Variants in EPHA5 observed in about 807,000 individuals in gnomAD.
EPHA5 encodes the protein EPH receptor A5.
Under a neutral mutation model 105.0 loss-of-function variants are expected in EPHA5, and 60 were observed. The observed-to-expected ratio is 0.57, with a 90% CI of 0.46 to 0.71. The LOEUF is 0.71. Ranked by LOEUF, EPHA5 falls within the 30% of genes least tolerant of loss-of-function variation. The probability of loss-of-function intolerance (pLI) is 0.00; values close to 1 mark genes in which losing one functional copy is unlikely to be tolerated. For missense variants in EPHA5, 1,218 were observed against 1,274.7 expected (o/e 0.96, Z 0.68); for synonymous variants, 513 against 449.1 (o/e 1.14, Z -1.80).
chr4:65,636,874 G>C (rs1560804001), intron 2 of EPHA5, among the ~76,000 whole-genome samples: 1 of 151,934 alleles, frequency 6.6e-6, no homozygotes, highest in African/African-American at 2.4e-5. Context: ...AGGAATTTGG[G>C]GTGTTTTACT....
chr4:65,608,489 G>A (rs1020620355), intron 2 of EPHA5, among the ~76,000 whole-genome samples: 8 of 151,396 alleles, frequency 5.3e-5, no homozygotes, highest in African/African-American at 1.7e-4. Flanking sequence ...GGGCGACAGA[G>A]CGAGACTCCA....
chr4:65,534,761 T>A (rs933862013), intron 3 of EPHA5, among the ~76,000 whole-genome samples: 2 of 152,354 alleles, frequency 1.3e-5, no homozygotes, highest in South Asian at 4.1e-4. Context: ...AATGTTCATA[T>A]CTTTGAGTTT....
intron 5 of EPHA5, among the ~76,000 whole-genome samples, chr4:65,428,715 A>C (rs1231350023): frequency 6.6e-6 from 1 of 152,066 alleles, no homozygotes. Flanking sequence ...AAAATATTAA[A>C]AATTAGTTGC....
intron 8 of EPHA5, among the ~76,000 whole-genome samples, chr4:65,402,630 T>C (rs1258950891): frequency 6.6e-6 from 1 of 152,162 alleles, no homozygotes; most frequent in African/African-American, 2.4e-5. Flanking sequence ...ACACAACAAA[T>C]ACAGAATCTT....
At chr4:65,378,797 A>AT (rs915057953) in intron 8 of EPHA5, among the ~76,000 whole-genome samples, 2 of 151,142 alleles carry the variant, frequency 1.3e-5, no homozygotes, top group East Asian at 2.0e-4. Context: ...TTTCTTTTTT[A>AT]TTTTTTTGCA....
intron 5 of EPHA5, among the ~76,000 whole-genome samples, chr4:65,456,856 C>G (rs901167955): frequency 6.6e-6 from 1 of 152,052 alleles, no homozygotes; most frequent in Non-Finnish European, 1.5e-5. Flanking sequence ...AGTTGATATA[C>G]TTGAATTCAT....
At chr4:65,473,446 A>G (rs192168994) in intron 5 of EPHA5, among the ~76,000 whole-genome samples, 204 of 152,332 alleles carry the variant, frequency 1.3e-3, no homozygotes, top group African/African-American at 4.7e-3. Context: ...ACAGTTCTTC[A>G]TAGCTGGGAG....
chr4:65,469,861 T>C (rs1729114611), intron 5 of EPHA5, among the ~76,000 whole-genome samples: 1 of 152,120 alleles, frequency 6.6e-6, no homozygotes, highest in Non-Finnish European at 1.5e-5. Flanking sequence ...TCTGTTCACT[T>C]AGTAAGAAAA....
At chr4:65,324,689 CAG>C (rs1257574206) in intron 16 of EPHA5, among the ~76,000 whole-genome samples, 1 of 149,876 alleles carries the variant, frequency 6.7e-6, no homozygotes, top group African/African-American at 2.4e-5. Flanking sequence ...TTTTATATAA[CAG>C]ATATCTTTAG....
intron 3 of EPHA5, among the ~76,000 whole-genome samples, chr4:65,561,113 A>G (rs1396290045): frequency 6.6e-6 from 1 of 152,064 alleles, no homozygotes; most frequent in East Asian, 1.9e-4. Flanking sequence ...ATAGGCTAGA[A>G]AGGTTTGACA....
chr4:65,667,262 G>A (rs1750044820), intron 1 of EPHA5, among the ~76,000 whole-genome samples: 1 of 152,146 alleles, frequency 6.6e-6, no homozygotes, highest in East Asian at 1.9e-4. Flanking sequence ...AACAAGAAGA[G>A]AAGAATCTAT....
chr4:65,636,458 T>C (rs1054578917), intron 2 of EPHA5, among the ~76,000 whole-genome samples: 1 of 152,104 alleles, frequency 6.6e-6, no homozygotes, highest in African/African-American at 2.4e-5. Context: ...GGGATTGAAA[T>C]GGACTCAGTC....
rs543708816 is a variant in EPHA5 at position 65,473,064 on chromosome 4, C to A, written c.1402+17313G>T. 5.9e-5 allele frequency among the ~76,000 whole-genome samples: 9 copies of A among 152,286 alleles called. No homozygotes were observed. In the South Asian group the frequency reaches 1.9e-3, roughly 32 times the overall value. On this transcript the variant is annotated intron_variant, in intron 5 of 16. Coordinates refer to ENST00000613740, the MANE Select transcript of EPHA5 (RefSeq NM_001281766.3). ...TATCTAGGGCAGAGGCAAAATGCCA[C>A]CAATCTCTTTGCTAAAGCATAGCAA... is the stretch of plus-strand genomic sequence containing the variant.
Position 65,602,109 on chromosome 4 carries a change from T to C in EPHA5, c.442A>G (p.Lys148Glu). 1 of 1,614,120 alleles carries C rather than the reference T, an allele frequency of 6.2e-7. No homozygotes were observed. Among genetic ancestry groups the C allele is most frequent in the Non-Finnish European group, 8.5e-7 (1 of 1,179,992 alleles). The change falls in exon 3 of 17, where the codon AAG (lysine) becomes GAG (glutamate). Residue 148 changes from lysine (K) to glutamate (E), a missense_variant. Around this residue, in one of 3 missense-constraint regions of EPHA5, gnomAD observed 233 missense variants for 227.5 expected, o/e 1.02. Coordinates refer to ENST00000613740, the MANE Select transcript of EPHA5 (RefSeq NM_001281766.3). ...AAGTAATACATATTAAAGGTTTCCTTACAGGTCCCCAGTCCTCCAGGAAGG... is the reference window on the plus strand; with the variant it reads ...AAGTAATACATATTAAAGGTTTCCTCACAGGTCCCCAGTCCTCCAGGAAGG... ...NSLPGGLGTC[K>E]ETFNMYYFES...
rs144534506 is a variant in EPHA5 at position 65,336,174 on chromosome 4, T to C, written c.2596-49A>G. ...GCACCCCAACACCACAAATTTAGTA[T>C]AGAATAGCTTTAAAAATGTCCCACT... On this transcript the variant is annotated intron_variant, in intron 14 of 16. Transcript: ENST00000613740. The C allele has an allele frequency of 6.7e-5, 97 of 1,447,420 alleles. 1 individual carries two copies. Among genetic ancestry groups the C allele is most frequent in the Middle Eastern group, 4.4e-4 (2 of 4,544 alleles). The allele number at this position is 1,447,420 out of a possible 1,614,324, so 89.7% of individuals were successfully genotyped here.
intron 2 of EPHA5, 94 bp from the exon 3 acceptor site, chr4:65,602,398 T>C (rs1390839744): frequency 4.1e-6 from 4 of 974,840 alleles, no homozygotes; most frequent in Non-Finnish European, 4.4e-6. Context: ...CTAACTGAGA[T>C]ATAGAAATAT....
chr4:65,432,471 T>C (rs1213767325), intron 5 of EPHA5, among the ~76,000 whole-genome samples: 2 of 152,216 alleles, frequency 1.3e-5, no homozygotes, highest in Admixed American at 1.3e-4. Context: ...AGAATATGTT[T>C]GAAACCTTTG....
At chr4:65,326,817 C>T (rs1022054968) in intron 16 of EPHA5, among the ~76,000 whole-genome samples, 6 of 151,054 alleles carry the variant, frequency 4.0e-5, no homozygotes, top group African/African-American at 1.2e-4. Flanking sequence ...TTCATGATTG[C>T]TATGTGAATT....
intron 3 of EPHA5, among the ~76,000 whole-genome samples, chr4:65,557,931 G>A (rs2149351975): frequency 6.6e-6 from 1 of 151,770 alleles, no homozygotes; most frequent in Admixed American, 6.6e-5. Flanking sequence ...AGGCTGGAGT[G>A]CAGTGATCTC....
Sources: gnomAD v4.1 joint callset for allele counts (sites outside exome capture counted in the v4.1 genomes callset) on GRCh38, gnomAD v4.1.1 for gene constraint, gnomAD v4.1.1 regional missense constraint, MANE v1.5 for transcripts, NCBI Gene and HGNC (gene_info 2026-07-23, HGNC 2026-07-21) for gene names.